Variants in ZNF93 observed in about 807,000 individuals in gnomAD.
ZNF93 encodes the protein zinc finger protein 505.
In ZNF93, 29 loss-of-function variants were observed where a neutral mutation model predicts 45.0. That is an observed-to-expected ratio of 0.64 (90% CI 0.48 to 0.88). The LOEUF (loss-of-function observed/expected upper bound fraction) is 0.88. ZNF93 is among the 40% of genes least tolerant of loss of function. The probability of loss-of-function intolerance (pLI) is 0.00; values close to 1 mark genes in which losing one functional copy is unlikely to be tolerated. For synonymous variants in ZNF93, 223 were observed against 244.6 expected (o/e 0.91, Z 0.82); for missense variants, 578 against 724.0 (o/e 0.80, Z 2.31).
chr19:19,934,985 G>T lies in ZNF93; in HGVS notation c.*167G>T. ...AAGTGGCCCATTTACAGCCATGTAG[G>T]CAGGCCTGCAGACCTTGGCCTTTAC... On this transcript the variant is annotated 3_prime_UTR_variant, in exon 4 of 4. Transcript: ENST00000343769. 1 of 704,028 alleles carries T rather than the reference G, an allele frequency of 1.4e-6. No homozygotes were observed. Among genetic ancestry groups the T allele is most frequent in the Non-Finnish European group, 2.3e-6 (1 of 441,186 alleles). 43.6% of individuals were successfully genotyped at this position (704,028 alleles called of 1,614,324 possible). A position where few individuals can be genotyped will look rare whatever the true frequency, so the allele number is the denominator to read the frequency against.
intron 3 of ZNF93, among the ~76,000 whole-genome samples, chr19:19,922,599 T>C (rs1028992085): frequency 1.8e-4 from 28 of 152,224 alleles, no homozygotes; most frequent in African/African-American, 6.8e-4. Flanking sequence ...TTTGGTCTTT[T>C]CACATAGTCT....
At chr19:19,914,225 A>G (rs1005809786) in intron 1 of ZNF93, among the ~76,000 whole-genome samples, 65 of 152,222 alleles carry the variant, frequency 4.3e-4, no homozygotes, top group African/African-American at 1.4e-3. Context: ...CTCGTGTTCC[A>G]TTAGCTATAT....
chr19:19,905,108 C>T (rs73925533), intron 1 of ZNF93, among the ~76,000 whole-genome samples: 7,729 of 150,746 alleles, frequency 0.051, 563 homozygotes, highest in African/African-American at 0.16. Context: ...TGCCTGCATT[C>T]GCACGGAAAC....
intron 1 of ZNF93, chr19:19,914,811 T>C (rs950464101): frequency 5.4e-6 from 2 of 373,178 alleles, no homozygotes; most frequent in East Asian, 1.0e-4. Flanking sequence ...GCCAAAAACA[T>C]TGACATTTTT....
At chr19:19,907,232 T>A (rs1407844205) in intron 1 of ZNF93, among the ~76,000 whole-genome samples, 1 of 152,138 alleles carries the variant, frequency 6.6e-6, no homozygotes, top group Non-Finnish European at 1.5e-5. Context: ...GACACAGATT[T>A]GTTTAGATAA....
intron 3 of ZNF93, among the ~76,000 whole-genome samples, chr19:19,919,469 G>GT (rs1222829959): frequency 6.6e-6 from 1 of 150,804 alleles, no homozygotes; most frequent in Non-Finnish European, 1.5e-5. Flanking sequence ...CTTTAAAGTA[G>GT]TTTTTTCCAA....
chr19:19,915,243 T>C lies in ZNF93; in HGVS notation c.4-37T>C, dbSNP rs1405290431. On this transcript the variant is annotated intron_variant, in intron 1 of 3. Transcript: ENST00000343769. The stretch of plus-strand genomic sequence containing the variant: ...TAAGTAAAATTAAAAATTCCACCCA[T>C]GGCCACTTGGTGAAAATGTGTGTGT... 5 of 1,612,538 alleles carry C rather than the reference T, an allele frequency of 3.1e-6. No homozygotes were observed. The Admixed American group carries it at 6.7e-5, about 22-fold the overall frequency.
intron 3 of ZNF93, among the ~76,000 whole-genome samples, chr19:19,925,466 A>G (rs2063353464): frequency 6.6e-6 from 1 of 152,144 alleles, no homozygotes; most frequent in African/African-American, 2.4e-5. Flanking sequence ...CTGTAAGGGG[A>G]TATGAAAATA....
chr19:19,906,603 G>A (rs2063293546), intron 1 of ZNF93, among the ~76,000 whole-genome samples: 1 of 151,948 alleles, frequency 6.6e-6, no homozygotes, highest in African/African-American at 2.4e-5. Context: ...GTCTTTGCCG[G>A]TTTCTGTGTC....
At position 19,935,005 on chromosome 19, in the gene ZNF93, C is replaced by T; in HGVS notation, c.*187C>T. ...TGTAGGCAGGCCTGCAGACCTTGGC[C>T]TTTACTACGGTACCTGAAGTGGTTC... On this transcript the variant is annotated 3_prime_UTR_variant, in exon 4 of 4. Transcript: ENST00000343769. 1.6e-6 allele frequency: 1 copy of T among 612,248 alleles called. No individual in the cohort carries two copies. The highest frequency in any genetic ancestry group is 2.7e-6 in the Non-Finnish European group (1 of 364,510). 37.9% of individuals were successfully genotyped at this position (612,248 alleles called of 1,614,324 possible).
rs2063374634 is a variant in ZNF93 at position 19,931,601 on chromosome 19, G to A, written c.227-1581G>A. Among the ~76,000 whole-genome samples, 3 of 152,314 alleles carry A rather than the reference G, an allele frequency of 2.0e-5. No individual in the cohort carries two copies. The South Asian group carries it at 6.2e-4, about 32-fold the overall frequency. The stretch of plus-strand genomic sequence containing the variant: ...GCTGATCTTGAACTTTTGGGTTCAA[G>A]TGATCAGCCCATCTTGAACTTCCAA... On this transcript the variant is annotated intron_variant, in intron 3 of 3. Coordinates refer to ENST00000343769, the MANE Select transcript of ZNF93 (RefSeq NM_031218.4).
At chr19:19,914,411 A>G (rs2063317879) in intron 1 of ZNF93, among the ~76,000 whole-genome samples, 1 of 152,208 alleles carries the variant, frequency 6.6e-6, no homozygotes, top group African/African-American at 2.4e-5. Flanking sequence ...GTTTGCATAA[A>G]ACTGATGTTT....
At chr19:19,920,621 A>G (rs1385458713) in intron 3 of ZNF93, among the ~76,000 whole-genome samples, 1 of 152,006 alleles carries the variant, frequency 6.6e-6, no homozygotes, top group Non-Finnish European at 1.5e-5. Flanking sequence ...TCAATTTCAG[A>G]GCCTGTTATT....
Position 19,912,938 on chromosome 19 carries a change from A to T in ZNF93, c.4-2342A>T, listed in dbSNP as rs145035453. Reference sequence around the variant, plus strand: ...TTCTTTTTAAAATACAGACTTATTCAGATATTGCTGTCTTCTGTTTCCTCT... The same window carrying T: ...TTCTTTTTAAAATACAGACTTATTCTGATATTGCTGTCTTCTGTTTCCTCT... On this transcript the variant is annotated intron_variant, in intron 1 of 3. Coordinates refer to ENST00000343769, the MANE Select transcript of ZNF93 (RefSeq NM_031218.4). Among the ~76,000 whole-genome samples, 1,488 of 152,372 alleles carry T rather than the reference A, an allele frequency of 9.8e-3. 13 individuals carry two copies. Among genetic ancestry groups the T allele is most frequent in the South Asian group, 0.028 (136 of 4,830 alleles).
chr19:19,925,118 CAGTG>C (rs1353216613), intron 3 of ZNF93, among the ~76,000 whole-genome samples: 1 of 152,212 alleles, frequency 6.6e-6, no homozygotes, highest in Admixed American at 6.5e-5. Context: ...TCAGAATTCT[CAGTG>C]AGACCAAGTT....
intron 3 of ZNF93, among the ~76,000 whole-genome samples, chr19:19,919,966 G>A (rs1189779746): frequency 1.3e-5 from 2 of 152,122 alleles, no homozygotes; most frequent in African/African-American, 4.8e-5. Flanking sequence ...TGATTGCCCT[G>A]GCTGGAACTT....
Position 19,901,255 on chromosome 19 carries a change from T to C in ZNF93, c.3+164T>C, listed in dbSNP as rs1318112021. On this transcript the variant is annotated intron_variant, in intron 1 of 3. Coordinates refer to ENST00000343769, the MANE Select transcript of ZNF93 (RefSeq NM_031218.4). ...TTCCCTTCAGCCATAAGATGGCGGC[T>C]GCGCTTATAGCGCAGCCCCCAGGCG... 3.9e-5 allele frequency among the ~76,000 whole-genome samples: 6 copies of C among 152,180 alleles called. No individual in the cohort carries two copies. The East Asian group carries it at 9.7e-4, about 25-fold the overall frequency.
chr19:19,901,011 C>T lies in ZNF93; in HGVS notation c.-78C>T. ...ACTCTGTGTCCTGTGCTCCTACAGG[C>T]CCAGCCTCTGTGGCCCTGTGACCTG... On this transcript the variant is annotated 5_prime_UTR_variant, in exon 1 of 4. Transcript: ENST00000343769. 1.3e-6 allele frequency: 2 copies of T among 1,592,398 alleles called. No individual in the cohort carries two copies. Among genetic ancestry groups the T allele is most frequent in the South Asian group, 1.1e-5 (1 of 90,674 alleles).
chr19:19,913,070 ACCCTGTGCTGTT>A (rs767581866), intron 1 of ZNF93, among the ~76,000 whole-genome samples: 11 of 152,194 alleles, frequency 7.2e-5, no homozygotes, highest in Non-Finnish European at 1.6e-4. Context: ...AGTGTAAGGG[ACCCTGTGCTGTT>A]CCTGCTTTCT....
Sources: gnomAD v4.1 joint callset for allele counts (sites outside exome capture counted in the v4.1 genomes callset) on GRCh38, gnomAD v4.1.1 for gene constraint, MANE v1.5 for transcripts, NCBI Gene and HGNC (gene_info 2026-07-23, HGNC 2026-07-21) for gene names.